SLC26A7: variants seen among roughly 807,000 people sequenced by gnomAD.
SLC26A7 encodes the protein solute carrier family 26 member 7.
In SLC26A7, 59 loss-of-function variants were observed where a neutral mutation model predicts 82.5. That is an observed-to-expected ratio of 0.72 (90% CI 0.58 to 0.89). SLC26A7 has a LOEUF of 0.89. Ranked by LOEUF, SLC26A7 falls within the 40% of genes least tolerant of loss-of-function variation. SLC26A7 has a pLI of 0.00. For synonymous variants in SLC26A7, 271 were observed against 274.3 expected (o/e 0.99, Z 0.12); for missense variants, 820 against 793.0 (o/e 1.03, Z -0.41).
chr8:91,365,080 A>C (rs1814154308), intron 13 of SLC26A7, among the ~76,000 whole-genome samples: 1 of 152,138 alleles, frequency 6.6e-6, no homozygotes, highest in Non-Finnish European at 1.5e-5. Context: ...CTGATTTGAG[A>C]GATCTCTTCC....
chr8:91,225,290 C>T (rs1277215898), intron 2 of SLC26A7, among the ~76,000 whole-genome samples: 1 of 152,150 alleles, frequency 6.6e-6, no homozygotes, highest in Non-Finnish European at 1.5e-5. Context: ...GATGCTAGAT[C>T]CCAGTGGCAT....
intron 5 of SLC26A7, among the ~76,000 whole-genome samples, chr8:91,320,656 A>C (rs990011593): frequency 2.6e-5 from 4 of 152,198 alleles, no homozygotes; most frequent in Non-Finnish European, 5.9e-5. Flanking sequence ...TTGCCACTGG[A>C]TCATTTAAGT....
chr8:91,309,046 C>T (rs1045862965), intron 4 of SLC26A7, among the ~76,000 whole-genome samples: 3 of 152,042 alleles, frequency 2.0e-5, no homozygotes, highest in African/African-American at 7.2e-5. Context: ...CTTATTGCTA[C>T]TGGGGTGTTA....
At chr8:91,364,540 A>AT (rs1814137427) in intron 13 of SLC26A7, among the ~76,000 whole-genome samples, 1 of 151,782 alleles carries the variant, frequency 6.6e-6, no homozygotes, top group East Asian at 1.9e-4. Context: ...TTCTTTCCTT[A>AT]TTTTTTCCAT....
chr8:91,331,329 A>G (rs1226311746), intron 5 of SLC26A7, among the ~76,000 whole-genome samples: 2 of 152,124 alleles, frequency 1.3e-5, no homozygotes, highest in East Asian at 3.9e-4. Flanking sequence ...ATAAATGTAC[A>G]TTTTGTCTAA....
At chr8:91,229,262 G>C (rs187045432) in intron 2 of SLC26A7, among the ~76,000 whole-genome samples, 2 of 152,206 alleles carry the variant, frequency 1.3e-5, no homozygotes, top group African/African-American at 4.8e-5. Flanking sequence ...ATGCACAAAG[G>C]CCTTTCCCTT....
chr8:91,236,146 T>G (rs866641432), intron 2 of SLC26A7, among the ~76,000 whole-genome samples: 1 of 152,226 alleles, frequency 6.6e-6, no homozygotes. Flanking sequence ...ATTTGTGTTT[T>G]GGGAAAATTT....
Position 91,395,696 on chromosome 8 carries a change from G to A in SLC26A7, c.*599G>A, listed in dbSNP as rs1302218210. ...ATCTTTCCATACATCCATTTCTGAA[G>A]TATTCAGGAATGTTTTCATAATCGA... On this transcript the variant is annotated 3_prime_UTR_variant, in exon 19 of 19. Transcript: ENST00000276609. 2.6e-5 allele frequency: 4 copies of A among 152,122 alleles called. No individual in the cohort carries two copies. The highest frequency in any genetic ancestry group is 9.7e-5 in the African/African-American group (4 of 41,416). The allele number at this position is 152,122 out of a possible 1,614,324, so 9.4% of individuals were successfully genotyped here. A position where few individuals can be genotyped will look rare whatever the true frequency, so the allele number is the denominator to read the frequency against.
At chr8:91,301,369 C>T (rs908745969) in intron 4 of SLC26A7, among the ~76,000 whole-genome samples, 3 of 152,058 alleles carry the variant, frequency 2.0e-5, no homozygotes, top group African/African-American at 7.2e-5. Flanking sequence ...AAGATAATTT[C>T]TTGATGATCC....
intron 6 of SLC26A7, 117 bp downstream of exon 6, chr8:91,334,564 T>A: frequency 2.4e-6 from 2 of 841,994 alleles, no homozygotes; most frequent in South Asian, 2.4e-5. Flanking sequence ...TGTCTCTCAT[T>A]AAAGCAGGGC....
chr8:91,336,593 T>G (rs1205237890), intron 6 of SLC26A7, among the ~76,000 whole-genome samples: 1 of 152,100 alleles, frequency 6.6e-6, no homozygotes, highest in Non-Finnish European at 1.5e-5. Flanking sequence ...TGGGGACTGC[T>G]GCTCTAAAGC....
At chr8:91,360,478 T>G (rs146533947) in intron 11 of SLC26A7, among the ~76,000 whole-genome samples, 1 of 152,336 alleles carries the variant, frequency 6.6e-6, no homozygotes, top group East Asian at 1.9e-4. Flanking sequence ...TTCTAACCAA[T>G]GGAATTATTT....
chr8:91,375,678 CA>C (rs1814493152), intron 15 of SLC26A7, among the ~76,000 whole-genome samples: 1 of 129,408 alleles, frequency 7.7e-6, no homozygotes, highest in African/African-American at 2.9e-5. Flanking sequence ...TTTTTTTCTT[CA>C]TGTTGGCCTT....
At chr8:91,239,395 A>AAAAAAAAAT (rs1554600121) in intron 2 of SLC26A7, among the ~76,000 whole-genome samples, 1 of 94,860 alleles carries the variant, frequency 1.1e-5, no homozygotes, top group African/African-American at 3.5e-5. Context: ...AAAAAAAAAA[A>AAAAAAAAAT]ATATATATAT....
intron 12 of SLC26A7, 24 bp from the exon 13 acceptor site, chr8:91,363,448 A>AT: frequency 7.1e-7 from 1 of 1,411,378 alleles, no homozygotes; most frequent in Admixed American, 2.0e-5. Context: ...GACTTGTTTT[A>AT]TTTTCTATCT....
intron 15 of SLC26A7, among the ~76,000 whole-genome samples, chr8:91,387,628 GAATC>G (rs10588426): frequency 0.29 from 44,099 of 151,848 alleles, 8,287 homozygotes; most frequent in African/African-American, 0.54. Context: ...CTCCTTTTTG[GAATC>G]AATCTGATAT....
At chr8:91,279,232 A>G (rs983325035) in intron 2 of SLC26A7, among the ~76,000 whole-genome samples, 1 of 146,824 alleles carries the variant, frequency 6.8e-6, no homozygotes, top group Non-Finnish European at 1.5e-5. Context: ...TATCTTGGCT[A>G]TTGTGAATAG....
At chr8:91,352,782 G>C (rs937916536) in intron 10 of SLC26A7, 119 bp from the exon 11 acceptor site, 6 of 654,154 alleles carry the variant, frequency 9.2e-6, no homozygotes, top group Non-Finnish European at 1.0e-5. Flanking sequence ...TCTTCTAATC[G>C]GTGATTGCTT....
chr8:91,307,746 A>C (rs10046645), intron 4 of SLC26A7, among the ~76,000 whole-genome samples: 1 of 144,334 alleles, frequency 6.9e-6, no homozygotes, highest in African/African-American at 2.6e-5. Flanking sequence ...ACATGTATAC[A>C]TATGTAACTA....
Sources: gnomAD v4.1 joint callset for allele counts (sites outside exome capture counted in the v4.1 genomes callset) on GRCh38, gnomAD v4.1.1 for gene constraint, MANE v1.5 for transcripts, NCBI Gene and HGNC (gene_info 2026-07-23, HGNC 2026-07-21) for gene names.